The following NKAIN2 variants were observed in gnomAD, a reference collection of about 807,000 sequenced individuals.
NKAIN2 encodes the protein sodium/potassium-transporting ATPase subunit beta-1-interacting protein 2.
A neutral mutation model predicts 32.6 loss-of-function variants in NKAIN2; 14 were observed. The ratio of observed to expected loss-of-function variants is 0.43; its 90% CI spans 0.28 to 0.67. The LOEUF is 0.67. Ranked by LOEUF, NKAIN2 falls within the 30% of genes least tolerant of loss-of-function variation. The probability of loss-of-function intolerance (pLI) is 0.17; values close to 1 mark genes in which losing one functional copy is unlikely to be tolerated. For synonymous variants in NKAIN2, 80 were observed against 87.2 expected (o/e 0.92, Z 0.46); for missense variants, 198 against 258.3 (o/e 0.77, Z 1.60).
At position 124,252,128 on chromosome 6, in the gene NKAIN2, A is replaced by G. The variant is rs147443422; in HGVS notation, c.55-30877A>G. On this transcript the variant is annotated intron_variant, in intron 1 of 6. Coordinates refer to ENST00000368417, the MANE Select transcript of NKAIN2 (RefSeq NM_001040214.3). Reference sequence around the variant, plus strand: ...ACAGCATGTGTGCAGGTATGTGCTCATGCGTGGTTCACATAGTCACACAAA... The same window carrying G: ...ACAGCATGTGTGCAGGTATGTGCTCGTGCGTGGTTCACATAGTCACACAAA... Among the ~76,000 whole-genome samples, 7 of 152,196 alleles carry G rather than the reference A, an allele frequency of 4.6e-5. No individual in the cohort carries two copies. In the East Asian group the frequency reaches 1.4e-3, roughly 29 times the overall value.
intron 3 of NKAIN2, among the ~76,000 whole-genome samples, chr6:124,591,332 C>T (rs1032493827): frequency 6.6e-6 from 1 of 151,966 alleles, no homozygotes; most frequent in Non-Finnish European, 1.5e-5. Flanking sequence ...ATGAACTGAT[C>T]GGAATAAGTG....
chr6:124,461,604 T>C (rs2114648233), intron 3 of NKAIN2, among the ~76,000 whole-genome samples: 1 of 151,972 alleles, frequency 6.6e-6, no homozygotes, highest in South Asian at 2.1e-4. Flanking sequence ...TATATATACA[T>C]ATTAAAACTG....
chr6:124,005,345 G>A (rs570108159), intron 1 of NKAIN2, among the ~76,000 whole-genome samples: 1 of 152,168 alleles, frequency 6.6e-6, no homozygotes, highest in East Asian at 1.9e-4. Context: ...AAAAATGTTT[G>A]CAATGACTCT....
intron 6 of NKAIN2, among the ~76,000 whole-genome samples, chr6:124,820,543 A>C (rs1781352366): frequency 6.6e-6 from 1 of 152,206 alleles, no homozygotes; most frequent in African/African-American, 2.4e-5. Flanking sequence ...ACTCATGAAA[A>C]GGCTGTATCA....
At chr6:124,056,625 C>T (rs35086464) in intron 1 of NKAIN2, among the ~76,000 whole-genome samples, 7 of 152,072 alleles carry the variant, frequency 4.6e-5, no homozygotes, top group Non-Finnish European at 7.4e-5. Context: ...GCATAATCTT[C>T]TAAGACATTA....
chr6:124,231,470 G>C (rs186119197), intron 1 of NKAIN2, among the ~76,000 whole-genome samples: 15 of 152,106 alleles, frequency 9.9e-5, no homozygotes, highest in Non-Finnish European at 1.9e-4. Context: ...GGAATTATAT[G>C]GTTTGGTTCT....
intron 4 of NKAIN2, among the ~76,000 whole-genome samples, chr6:124,667,366 G>A (rs1371210621): frequency 1.3e-5 from 2 of 152,098 alleles, no homozygotes; most frequent in Non-Finnish European, 2.9e-5. Context: ...AATAAACAAT[G>A]TATGATCCCA....
chr6:124,449,659 T>TAC (rs1207253773), intron 3 of NKAIN2, among the ~76,000 whole-genome samples: 2 of 151,750 alleles, frequency 1.3e-5, no homozygotes, highest in South Asian at 2.1e-4. Flanking sequence ...TACACACACA[T>TAC]ACACACACAC....
chr6:123,884,470 A>C (rs1773619712), intron 1 of NKAIN2, among the ~76,000 whole-genome samples: 1 of 152,166 alleles, frequency 6.6e-6, no homozygotes, highest in African/African-American at 2.4e-5. Flanking sequence ...GATTTTGCTA[A>C]GCTCTCTGCG....
intron 1 of NKAIN2, among the ~76,000 whole-genome samples, chr6:124,062,883 G>A (rs1782981751): frequency 6.6e-6 from 1 of 152,198 alleles, no homozygotes; most frequent in Non-Finnish European, 1.5e-5. Context: ...TTAATTCTCA[G>A]AACAATTTTT....
At chr6:123,989,212 A>G (rs569343073) in intron 1 of NKAIN2, among the ~76,000 whole-genome samples, 1 of 152,312 alleles carries the variant, frequency 6.6e-6, no homozygotes, top group South Asian at 2.1e-4. Context: ...AATGGCTCTG[A>G]TAACTGGGTA....
chr6:124,778,142 G>T (rs1779064782), intron 4 of NKAIN2, among the ~76,000 whole-genome samples: 1 of 152,036 alleles, frequency 6.6e-6, no homozygotes, highest in Admixed American at 6.6e-5. Flanking sequence ...AATGCAAACA[G>T]CTTGCTCTCC....
chr6:124,705,978 G>GT (rs1187567711), intron 4 of NKAIN2, among the ~76,000 whole-genome samples: 1 of 152,060 alleles, frequency 6.6e-6, no homozygotes, highest in Non-Finnish European at 1.5e-5. Flanking sequence ...TGACCATTAT[G>GT]TTTTTTGAGA....
chr6:124,536,012 T>A (rs1038638222), intron 3 of NKAIN2, among the ~76,000 whole-genome samples: 3 of 152,190 alleles, frequency 2.0e-5, no homozygotes, highest in Admixed American at 1.3e-4. Flanking sequence ...CCATGGCAGG[T>A]CAGAGAGCAG....
intron 1 of NKAIN2, among the ~76,000 whole-genome samples, chr6:124,274,107 A>G (rs1448197113): frequency 6.6e-6 from 1 of 152,180 alleles, no homozygotes; most frequent in Non-Finnish European, 1.5e-5. Flanking sequence ...ACAAAGGTAT[A>G]AAATTATTTT....
At chr6:124,397,521 CAG>C (rs1030617127) in intron 3 of NKAIN2, among the ~76,000 whole-genome samples, 7 of 147,438 alleles carry the variant, frequency 4.7e-5, no homozygotes, top group East Asian at 4.0e-4. Flanking sequence ...TACTGTGTCA[CAG>C]AGAGTTTTTT....
chr6:124,447,670 T>G (rs766469341), intron 3 of NKAIN2, among the ~76,000 whole-genome samples: 2 of 152,180 alleles, frequency 1.3e-5, no homozygotes, highest in South Asian at 4.1e-4. Context: ...TGACTTCAGC[T>G]ATTTCAAGCA....
chr6:124,570,487 C>G (rs1259554043), intron 3 of NKAIN2, among the ~76,000 whole-genome samples: 1 of 152,130 alleles, frequency 6.6e-6, no homozygotes, highest in African/African-American at 2.4e-5. Context: ...AGCCCTGTGT[C>G]TCATCTGCTC....
intron 3 of NKAIN2, among the ~76,000 whole-genome samples, chr6:124,475,933 G>A (rs972840465): frequency 5.3e-5 from 8 of 152,172 alleles, no homozygotes; most frequent in Non-Finnish European, 7.4e-5. Flanking sequence ...ACATTTGTGT[G>A]GTAGCTTTTT....
Sources: allele counts gnomAD v4.1 joint callset (sites outside exome capture counted in the v4.1 genomes callset), GRCh38; gene constraint gnomAD v4.1.1; transcripts MANE v1.5; gene names NCBI Gene and HGNC (gene_info 2026-07-23, HGNC 2026-07-21).